CARMIL2: variants seen among roughly 807,000 people sequenced by gnomAD.
CARMIL2 encodes capping protein, Arp2/3 and myosin-I linker protein 2.
CARMIL2 carries 96 observed loss-of-function variants against 173.3 expected under a neutral mutation model. The observed-to-expected ratio is 0.55, with a 90% CI of 0.47 to 0.66. The LOEUF (loss-of-function observed/expected upper bound fraction) is 0.66, where lower values mean the gene tolerates loss of function less well. CARMIL2 is among the 30% of genes least tolerant of loss of function. The pLI, the probability that CARMIL2 is intolerant of heterozygous loss-of-function variation, is 0.00. For synonymous variants in CARMIL2, 830 were observed against 817.1 expected (o/e 1.02, Z -0.27); for missense variants, 1,771 against 1,906.7 (o/e 0.93, Z 1.33).
In CARMIL2 at chr16:67,656,414, C is replaced by G; in HGVS notation, c.3815-10C>G. On this transcript the variant is annotated splice_polypyrimidine_tract_variant and intron_variant, in intron 34 of 37. Transcript: ENST00000334583. ...TGACCAGGTCTTGGCTGACACCTTTCTCCCTACAGACCCTTCCTGCAGACC... is the reference window on the plus strand; with the variant it reads ...TGACCAGGTCTTGGCTGACACCTTTGTCCCTACAGACCCTTCCTGCAGACC... 1 of 1,608,576 alleles carries G rather than the reference C, an allele frequency of 6.2e-7. No individual in the cohort carries two copies. The highest frequency in any genetic ancestry group is 8.5e-7 in the Non-Finnish European group (1 of 1,176,418).
Position 67,649,296 on chromosome 16 carries a change from G to T in CARMIL2, c.1731G>T (p.Met577Ile), listed in dbSNP as rs1171745399. ...TCCTGCACCGGATTGTCCAGCTCAT[G>T]CAGGACGACGATTGTGTGAGTTCAC... ...DDVLHRIVQL[M>I]QDDDCPLQSL... The change falls in exon 19 of 38, where the codon ATG (methionine) becomes ATT (isoleucine). Residue 577 changes from methionine to isoleucine, a missense_variant. This residue lies in a region of CARMIL2 where 944 missense variants were observed against 975.6 expected (regional missense o/e 0.97). Transcript: ENST00000334583. This position sits in a 1 kb window ranked among gnomAD's most constrained non-coding sequence, Gnocchi z 6.7. 2 of 1,612,690 alleles carry T rather than the reference G, an allele frequency of 1.2e-6. No individual in the cohort carries two copies. The highest frequency in any genetic ancestry group is 1.7e-6 in the Non-Finnish European group (2 of 1,179,708).
rs375358438 is a variant in CARMIL2, at chr16:67,651,978, G to C, written c.2646G>C (p.Leu882Phe). The C allele has an allele frequency of 1.5e-5, 24 of 1,613,592 alleles. No individual in the cohort carries two copies. The highest frequency in any genetic ancestry group is 1.9e-5 in the Non-Finnish European group (23 of 1,179,860). Residue 882 changes from leucine (L) to phenylalanine (F), a missense_variant, in exon 26 of 38, where the codon TTG becomes TTC. By Grantham distance (22) the Leu-to-Phe change is conservative. Transcript: ENST00000334583. The surrounding 1 kb of genome is among the most constrained non-coding windows in gnomAD (Gnocchi z 4.2). Reference protein sequence around the residue: ...TLAESIVAQALAGLSAARDQL... With the variant: ...TLAESIVAQAFAGLSAARDQL... ...CAGAGAGCATTGTGGCTCAGGCTTTGGCAGGCCTGAGTGCAGCCCGGGATC... is the reference window on the plus strand; with the variant it reads ...CAGAGAGCATTGTGGCTCAGGCTTTCGCAGGCCTGAGTGCAGCCCGGGATC...
In CARMIL2 at chr16:67,652,205, A is replaced by G; in HGVS notation, c.2683A>G (p.Ser895Gly). The G allele has an allele frequency of 6.2e-7, 1 of 1,612,208 alleles. No homozygotes were observed. Among genetic ancestry groups the G allele is most frequent in the South Asian group, 1.1e-5 (1 of 91,076 alleles). ...TGGCTGCTTGGTATTGCAGGTGGAGAGTCTGGCTCAGCAGGCAACAGTGAC... is the reference window on the plus strand; with the variant it reads ...TGGCTGCTTGGTATTGCAGGTGGAGGGTCTGGCTCAGCAGGCAACAGTGAC... ...LSAARDQLVE[S>G]LAQQATVTMP... is the part of the protein sequence containing the mutation. The change falls in exon 27 of 38, where the codon AGT becomes GGT. Residue 895 changes from serine (S) to glycine (G), a missense_variant. This residue lies in a region of CARMIL2 where 817 missense variants were observed against 903.5 expected (regional missense o/e 0.90). Transcript: ENST00000334583. The surrounding 1 kb of genome is among the most constrained non-coding windows in gnomAD (Gnocchi z 4.7).
chr16:67,651,393 G>A lies in CARMIL2; in HGVS notation c.2314-8G>A. 2 of 1,592,962 alleles carry A rather than the reference G, an allele frequency of 1.3e-6. No homozygotes were observed. Among genetic ancestry groups the A allele is most frequent in the Admixed American group, 1.7e-5 (1 of 58,690 alleles). ...AGCTCGCAACTGCTTTTCCTCTTTG[G>A]CCCTCAGATTCTCCCCATTCTATAT... is the stretch of plus-strand genomic sequence containing the variant. On this transcript the variant is annotated splice_region_variant and splice_polypyrimidine_tract_variant and intron_variant, in intron 23 of 37. Transcript: ENST00000334583. The surrounding 1 kb of genome is among the most constrained non-coding windows in gnomAD (Gnocchi z 4.2).
In CARMIL2 at chr16:67,657,423, G is replaced by A. The variant is rs72547498; in HGVS notation, c.4213G>A (p.Glu1405Lys). ...SPSLGSGLGTEPLPPQPTEPS... is the reference protein window; with the variant it reads ...SPSLGSGLGTKPLPPQPTEPS... ...CCTCACAGGATCTGGCCTTGGAACC[G>A]AGCCTCTGCCCCCACAGCCCACAGA... is the stretch of plus-strand genomic sequence containing the variant. The change falls in exon 38 of 38, where the codon GAG becomes AAG. Residue 1405 changes from glutamate to lysine, a missense_variant. This residue lies in a region of CARMIL2 where 817 missense variants were observed against 903.5 expected (regional missense o/e 0.90). Coordinates refer to ENST00000334583, the MANE Select transcript of CARMIL2 (RefSeq NM_001013838.3). The surrounding 1 kb of genome is among the most constrained non-coding windows in gnomAD (Gnocchi z 4.5). 1.3e-5 allele frequency: 21 copies of A among 1,606,864 alleles called. No homozygotes were observed. The highest frequency in any genetic ancestry group is 1.0e-4 in the South Asian group (9 of 90,206).
At chr16:67,656,325 G>A (rs1414740994) in intron 34 of CARMIL2, 26 bp downstream of exon 34, 6 of 1,613,298 alleles carry the variant, frequency 3.7e-6, no homozygotes, top group South Asian at 1.1e-5. Context: ...TGTGTGTGTT[G>A]GTAGTGGGAG....
chr16:67,652,140 G>A lies in CARMIL2; in HGVS notation c.2677-59G>A. ...GGCTATTTCAGGGTCCCCTTAGTTA[G>A]CATCAATGGGATCATGGCTGAGGCC... is the stretch of plus-strand genomic sequence containing the variant. On this transcript the variant is annotated intron_variant, in intron 26 of 37. Transcript: ENST00000334583. The surrounding 1 kb of genome is among the most constrained non-coding windows in gnomAD (Gnocchi z 4.7). 1.2e-6 allele frequency: 2 copies of A among 1,600,298 alleles called. No homozygotes were observed. The highest frequency in any genetic ancestry group is 1.7e-4 in the Middle Eastern group (1 of 5,754).
rs200317004 is a variant in CARMIL2, at chr16:67,648,897, G to T, written c.1514G>T (p.Arg505Leu). 2.1e-4 allele frequency: 330 copies of T among 1,604,384 alleles called. 2 individuals are homozygous for T. In the African/African-American group the frequency reaches 3.8e-3, roughly 18 times the overall value. Residue 505 changes from arginine (R) to leucine (L), a missense_variant, in exon 17 of 38, where the codon CGC becomes CTC. This residue lies in a region of CARMIL2 where 944 missense variants were observed against 975.6 expected (regional missense o/e 0.97). Transcript: ENST00000334583. The surrounding 1 kb of genome is among the most constrained non-coding windows in gnomAD (Gnocchi z 6.1). ...CCTCCCACCTCCCACATACAGCTGC[G>T]CTCGGCCGGCGCCCAGGTGATACAA... ...LHLDLSACELRSAGAQVIQDL... is the reference protein window; with the variant it reads ...LHLDLSACELLSAGAQVIQDL...
rs375269296 is a variant in CARMIL2 at position 67,646,143 on chromosome 16, C to T, written c.250-43C>T. 17 of 1,613,662 alleles carry T rather than the reference C, an allele frequency of 1.1e-5. No homozygotes were observed. Among genetic ancestry groups the T allele is most frequent in the African/African-American group, 6.7e-5 (5 of 74,930 alleles). On this transcript the variant is annotated intron_variant, in intron 4 of 37. Coordinates refer to ENST00000334583, the MANE Select transcript of CARMIL2 (RefSeq NM_001013838.3). The surrounding 1 kb of genome is among the most constrained non-coding windows in gnomAD (Gnocchi z 4.6). ...GTCTTCATGCTACCACCATCACCTG[C>T]GCCCATGTGTGGAGCCGAGGCCTAG...
chr16:67,656,217 C>T lies in CARMIL2; in HGVS notation c.3743-11C>T. ...AGGTCTGGTACCTGAGTCCCCAGCT[C>T]CGCCTTGCAGGTGACATTATGGACA... On this transcript the variant is annotated splice_polypyrimidine_tract_variant and intron_variant, in intron 33 of 37. Coordinates refer to ENST00000334583, the MANE Select transcript of CARMIL2 (RefSeq NM_001013838.3). 6.2e-7 allele frequency: 1 copy of T among 1,613,908 alleles called. No individual in the cohort carries two copies. Among genetic ancestry groups the T allele is most frequent in the South Asian group, 1.1e-5 (1 of 91,088 alleles).
Position 67,649,682 on chromosome 16 carries a change from G to T in CARMIL2, c.1919+63G>T, listed in dbSNP as rs1411754925. 3.7e-5 allele frequency: 58 copies of T among 1,557,632 alleles called. 1 individual carries two copies. In the South Asian group the frequency reaches 6.1e-4, roughly 16 times the overall value. ...GGCGCGGTGGAGAGGAGGGCACCGG[G>T]CTAAGGGGAGGGACTGAATGAGGCG... On this transcript the variant is annotated intron_variant, in intron 20 of 37. Coordinates refer to ENST00000334583, the MANE Select transcript of CARMIL2 (RefSeq NM_001013838.3). The surrounding 1 kb of genome is among the most constrained non-coding windows in gnomAD (Gnocchi z 6.7).
intron 22 of CARMIL2, chr16:67,650,477 G>A (rs1167370965): frequency 5.2e-6 from 2 of 386,868 alleles, no homozygotes; most frequent in African/African-American, 2.0e-5. Context: ...TCCATTGTGT[G>A]CCCAAACCCA....
In CARMIL2 at chr16:67,651,049, C is replaced by T; in HGVS notation, c.2185-138C>T. ...ACAGATAGTTCCTTCCCTCCTTGAA[C>T]AGATAGGGTTCCAAAGTGGCTGGTC... On this transcript the variant is annotated intron_variant, in intron 22 of 37. Coordinates refer to ENST00000334583, the MANE Select transcript of CARMIL2 (RefSeq NM_001013838.3). This position sits in a 1 kb window ranked among gnomAD's most constrained non-coding sequence, Gnocchi z 4.2. The T allele has an allele frequency of 1.1e-6, 1 of 930,376 alleles. No individual in the cohort carries two copies. Among genetic ancestry groups the T allele is most frequent in the East Asian group, 2.7e-5 (1 of 37,550 alleles). The allele number at this position is 930,376 out of a possible 1,614,324, so 57.6% of individuals were successfully genotyped here.
At position 67,646,927 on chromosome 16, in the gene CARMIL2, G is replaced by A. The variant is rs1355297766; in HGVS notation, c.565G>A (p.Gly189Ser). Residue 189 changes from glycine (G) to serine (S), a missense_variant, in exon 8 of 38, where the codon GGC becomes AGC. Coordinates refer to ENST00000334583, the MANE Select transcript of CARMIL2 (RefSeq NM_001013838.3). The surrounding 1 kb of genome is among the most constrained non-coding windows in gnomAD (Gnocchi z 4.6). ...WDVDTIYHRQ[G>S]CRHFSLGDFS... ...CGTGGACACCATTTACCATCGCCAGGGCTGCCGCCATTTCAGCCTGGGAGA... is the reference window on the plus strand; with the variant it reads ...CGTGGACACCATTTACCATCGCCAGAGCTGCCGCCATTTCAGCCTGGGAGA... 16 of 1,613,620 alleles carry A rather than the reference G, an allele frequency of 9.9e-6. No homozygotes were observed. The highest frequency in any genetic ancestry group is 1.3e-5 in the Non-Finnish European group (15 of 1,179,886).
rs200608717 is a variant in CARMIL2, at chr16:67,657,504, G to A, written c.4294G>A (p.Gly1432Ser). ...PSPATDQRGG[G>S]PNP is the part of the protein sequence containing the mutation. Reference sequence around the variant, plus strand: ...CCCAGCCACAGACCAAAGAGGCGGCGGCCCCAATCCCTGATCCTCTCCTCT... The same window carrying A: ...CCCAGCCACAGACCAAAGAGGCGGCAGCCCCAATCCCTGATCCTCTCCTCT... The change falls in exon 38 of 38, where the codon GGC becomes AGC. Residue 1432 changes from glycine to serine, a missense_variant. Gly to Ser is a moderately conservative substitution (Grantham distance 56). This residue lies in a region of CARMIL2 where 817 missense variants were observed against 903.5 expected (regional missense o/e 0.90). Transcript: ENST00000334583. This position sits in a 1 kb window ranked among gnomAD's most constrained non-coding sequence, Gnocchi z 4.5. 8.7e-6 allele frequency: 14 copies of A among 1,613,096 alleles called. No homozygotes were observed. The highest frequency in any genetic ancestry group is 2.7e-5 in the African/African-American group (2 of 74,998).
rs147564845 is a variant in CARMIL2 at position 67,650,155 on chromosome 16, A to G, written c.2184+5A>G. 1.1e-4 allele frequency: 179 copies of G among 1,608,138 alleles called. No homozygotes were observed. The African/African-American group carries it at 2.2e-3, about 20-fold the overall frequency. On this transcript the variant is annotated splice_donor_5th_base_variant and intron_variant, in intron 22 of 37. Coordinates refer to ENST00000334583, the MANE Select transcript of CARMIL2 (RefSeq NM_001013838.3). The stretch of plus-strand genomic sequence containing the variant: ...GTCTCAGACCCCTCAGAGCAGGTCA[A>G]TGTCCCCTCCCCAACCACGAGAGGT...
Position 67,645,272 on chromosome 16 carries a change from C to A in CARMIL2, c.26C>A (p.Ser9Tyr). 6.2e-7 allele frequency: 1 copy of A among 1,604,118 alleles called. No homozygotes were observed. The highest frequency in any genetic ancestry group is 8.5e-7 in the Non-Finnish European group (1 of 1,176,048). Residue 9 changes from serine (S) to tyrosine (Y), a missense_variant, in exon 1 of 38, where the codon TCC (serine) becomes TAC (tyrosine). By Grantham distance (144) the Ser-to-Tyr change is moderately radical (BLOSUM62 -2). This residue lies in a region of CARMIL2 where 944 missense variants were observed against 975.6 expected (regional missense o/e 0.97). Coordinates refer to ENST00000334583, the MANE Select transcript of CARMIL2 (RefSeq NM_001013838.3). Reference protein sequence around the residue: MAQTPDGISCELRGEITRF... With the variant: MAQTPDGIYCELRGEITRF... ...ATGGCCCAGACCCCCGACGGCATCT[C>A]CTGTGAGCTCCGAGGTAAGCGCTGG...
Position 67,647,722 on chromosome 16 carries a change from C to T in CARMIL2, c.914C>T (p.Ala305Val). Reference sequence around the variant, plus strand: ...AGACACCTCGAGCGTTGTCCAGGAGCCCTGAGGAGACTCAGCCTGGCCCAG... The same window carrying T: ...AGACACCTCGAGCGTTGTCCAGGAGTCCTGAGGAGACTCAGCCTGGCCCAG... ...LSRHLERCPG[A>V]LRRLSLAQTG... Residue 305 changes from alanine to valine, a missense_variant, in exon 12 of 38, where the codon GCC becomes GTC. Coordinates refer to ENST00000334583, the MANE Select transcript of CARMIL2 (RefSeq NM_001013838.3). The T allele has an allele frequency of 6.3e-7, 1 of 1,596,814 alleles. No homozygotes were observed. Among genetic ancestry groups the T allele is most frequent in the Non-Finnish European group, 8.5e-7 (1 of 1,173,198 alleles).
rs1353704914 is a variant in CARMIL2, at chr16:67,650,066, G to C, written c.2100G>C (p.Leu700Phe). 2 of 1,613,810 alleles carry C rather than the reference G, an allele frequency of 1.2e-6. No homozygotes were observed. The highest frequency in any genetic ancestry group is 1.7e-6 in the Non-Finnish European group (2 of 1,179,862). Residue 700 changes from leucine (L) to phenylalanine (F), a missense_variant, in exon 22 of 38, where the codon TTG (leucine) becomes TTC (phenylalanine). By Grantham distance (22) the Leu-to-Phe change is conservative (BLOSUM62 0). Transcript: ENST00000334583. ...GCCCCTAGATCCAAGCCTGTCTCTT[G>C]AGGAACAACCGCGCAGACCCTGCCT... The part of the protein sequence containing the change: ...RAVHQIQACL[L>F]RNNRADPASS...
Sources: gnomAD v4.1 joint callset for allele counts on GRCh38, gnomAD v4.1.1 for gene constraint, gnomAD v4.1.1 regional missense constraint, Gnocchi (gnomAD v3.1) non-coding constraint, MANE v1.5 for transcripts, NCBI Gene and HGNC (gene_info 2026-07-23, HGNC 2026-07-21) for gene names.